SND1: variants seen among roughly 807,000 people sequenced by gnomAD.
The protein encoded by SND1 is staphylococcal nuclease and tudor domain containing 1, also known as staphylococcal nuclease domain-containing protein 1.
SND1 carries 38 observed loss-of-function variants against 121.7 expected under a neutral mutation model. The observed-to-expected ratio is 0.31, with a 90% CI of 0.24 to 0.41. The LOEUF (loss-of-function observed/expected upper bound fraction) is 0.41, where lower values mean the gene tolerates loss of function less well. SND1 is among the 10% of genes least tolerant of loss of function. The pLI is 1.00. For synonymous variants in SND1, 401 were observed against 447.4 expected, an observed-to-expected ratio of 0.90 and a Z score of 1.31; for missense variants, 868 against 1,184.6, an observed-to-expected ratio of 0.73 and a Z score of 3.92.
chr7:128,071,398 CATAA>C (rs1457496820), intron 16 of SND1, among the ~76,000 whole-genome samples: 2 of 152,148 alleles, frequency 1.3e-5, no homozygotes, highest in Non-Finnish European at 2.9e-5. Flanking sequence ...ACAAAATTAC[CATAA>C]ATAACAAAAT....
chr7:127,880,276 T>C lies in SND1; in HGVS notation c.1344-7626T>C, dbSNP rs548168923. 9.8e-5 allele frequency among the ~76,000 whole-genome samples: 15 copies of C among 152,310 alleles called. No individual in the cohort carries two copies. In the South Asian group the frequency reaches 3.1e-3, roughly 32 times the overall value. ...GTTCTGTTTTATTAGTAGTTATTGT[T>C]GTTAATCTCTTACTGTGCTAAATTA... On this transcript the variant is annotated intron_variant, in intron 12 of 23. Transcript: ENST00000354725.
intron 12 of SND1, among the ~76,000 whole-genome samples, chr7:127,877,020 C>T (rs932017739): frequency 6.6e-6 from 1 of 152,072 alleles, no homozygotes; most frequent in African/African-American, 2.4e-5. Context: ...CATACTTCAG[C>T]CAACATTCAT....
rs748102471 is a variant in SND1, at chr7:127,652,407, G to GCGCAGAGC, written c.34_35insCGCAGAGC (p.Gly12AlafsTer82). On this transcript the variant is annotated frameshift_variant, in exon 1 of 24. Coordinates refer to ENST00000354725, the MANE Select transcript of SND1 (RefSeq NM_014390.4). LOFTEE classifies it high-confidence loss of function. The stretch of plus-strand genomic sequence containing the variant: ...CTCCGCGCAGAGCGGCGGCTCCTCC[G>GCGCAGAGC]GGGGACCCGCGGTCCCCACCGTGCA... 11 of 1,595,852 alleles carry GCGCAGAGC rather than the reference G, an allele frequency of 6.9e-6. No individual in the cohort carries two copies. The highest frequency in any genetic ancestry group is 4.5e-5 in the South Asian group (4 of 88,178).
At chr7:127,904,149 G>A (rs1426096058) in intron 13 of SND1, among the ~76,000 whole-genome samples, 2 of 152,210 alleles carry the variant, frequency 1.3e-5, no homozygotes, top group Non-Finnish European at 2.9e-5. Context: ...GGTTGGCAGA[G>A]TCCCAGAGTT....
chr7:128,016,145 CTTTT>C (rs71312836), intron 16 of SND1, among the ~76,000 whole-genome samples: 5 of 144,242 alleles, frequency 3.5e-5, no homozygotes, highest in African/African-American at 5.1e-5. Flanking sequence ...GAACAACTTC[CTTTT>C]TTTTTTTTTT....
At position 127,841,239 on chromosome 7, in the gene SND1, G is replaced by A. The variant is rs1363998410; in HGVS notation, c.1243-3085G>A. On this transcript the variant is annotated intron_variant, in intron 11 of 23. Transcript: ENST00000354725. ...CTGAGAAGGAGATTTGGCATTGGGA[G>A]GCACAAGGTAACCTTGAGATTAACT... is the stretch of plus-strand genomic sequence containing the variant. Among the ~76,000 whole-genome samples, 9 of 152,124 alleles carry A rather than the reference G, an allele frequency of 5.9e-5. No homozygotes were observed. The East Asian group carries it at 1.5e-3, about 26-fold the overall frequency.
At chr7:127,828,289 G>A (rs1178590685) in intron 11 of SND1, among the ~76,000 whole-genome samples, 2 of 151,958 alleles carry the variant, frequency 1.3e-5, no homozygotes, top group Admixed American at 6.6e-5. Context: ...GAGCCACTGC[G>A]CCCAGCCGCA....
chr7:127,999,222 T>C (rs1295228516), intron 16 of SND1: 2 of 152,098 alleles, frequency 1.3e-5, no homozygotes, highest in Non-Finnish European at 2.9e-5. Flanking sequence ...TTGGAACATG[T>C]AGGAAGGCCT....
At chr7:128,025,118 C>T (rs1255775511) in intron 16 of SND1, among the ~76,000 whole-genome samples, 1 of 152,214 alleles carries the variant, frequency 6.6e-6, no homozygotes, top group African/African-American at 2.4e-5. Flanking sequence ...GATAGTCTAA[C>T]CCCTTAGCAC....
intron 15 of SND1, among the ~76,000 whole-genome samples, chr7:127,955,063 G>A (rs569137432): frequency 6.6e-6 from 1 of 152,342 alleles, no homozygotes; most frequent in East Asian, 1.9e-4. Context: ...CTCAAGAGCA[G>A]TATCTGGCAT....
rs149733271 is a variant in SND1, at chr7:127,775,415, AAC to A, written c.1153-32063_1153-32062del. On this transcript the variant is annotated intron_variant, in intron 10 of 23. Transcript: ENST00000354725. The stretch of plus-strand genomic sequence containing the variant: ...TTATAATAACAAATATAATAAAAAA[AAC>A]ACACAGAGTTTTTAAGCAAATATCA... 4.3e-3 allele frequency among the ~76,000 whole-genome samples: 649 copies of A among 152,142 alleles called. 6 individuals are homozygous for A. Among genetic ancestry groups the A allele is most frequent in the African/African-American group, 0.015 (618 of 41,496 alleles).
At chr7:127,860,891 C>T (rs1398766815) in intron 12 of SND1, among the ~76,000 whole-genome samples, 1 of 151,986 alleles carries the variant, frequency 6.6e-6, no homozygotes, top group African/African-American at 2.4e-5. Context: ...AGACTGAAGC[C>T]CAAAATTAAA....
chr7:128,016,266 C>T (rs530568825), intron 16 of SND1, among the ~76,000 whole-genome samples: 2 of 151,576 alleles, frequency 1.3e-5, no homozygotes, highest in Non-Finnish European at 2.9e-5. Context: ...TATAGATGTG[C>T]ACCACCCTGC....
intron 13 of SND1, among the ~76,000 whole-genome samples, chr7:127,895,316 T>C (rs1398399669): frequency 6.6e-6 from 1 of 152,080 alleles, no homozygotes; most frequent in Non-Finnish European, 1.5e-5. Flanking sequence ...CAGGGTACTG[T>C]TGGATTTTTA....
At chr7:127,773,324 C>T (rs941291673) in intron 10 of SND1, among the ~76,000 whole-genome samples, 10 of 152,086 alleles carry the variant, frequency 6.6e-5, no homozygotes, top group African/African-American at 1.4e-4. Context: ...TGGTGGCGCA[C>T]GCCTGTAGTC....
intron 15 of SND1, among the ~76,000 whole-genome samples, chr7:127,979,166 G>A (rs751903090): frequency 2.0e-5 from 3 of 152,204 alleles, no homozygotes; most frequent in East Asian, 1.9e-4. Context: ...GCAAATACAT[G>A]TGGCCATGTT....
At chr7:127,687,412 A>G (rs1354066591) in intron 2 of SND1, among the ~76,000 whole-genome samples, 1 of 152,172 alleles carries the variant, frequency 6.6e-6, no homozygotes, top group Non-Finnish European at 1.5e-5. Context: ...TGTATCCATC[A>G]CCAAAATATT....
chr7:127,939,906 A>G (rs1260518401), intron 15 of SND1, among the ~76,000 whole-genome samples: 8 of 152,090 alleles, frequency 5.3e-5, no homozygotes, highest in Non-Finnish European at 8.8e-5. Flanking sequence ...AAAGCGTTCT[A>G]TTGTGCTTTT....
intron 16 of SND1, among the ~76,000 whole-genome samples, chr7:128,002,136 T>C (rs1281015658): frequency 6.6e-6 from 1 of 152,188 alleles, no homozygotes; most frequent in Non-Finnish European, 1.5e-5. Flanking sequence ...ATGGCACATA[T>C]GCATATGCTA....
Sources: allele counts gnomAD v4.1 joint callset (sites outside exome capture counted in the v4.1 genomes callset), GRCh38; gene constraint gnomAD v4.1.1; transcripts MANE v1.5; gene names NCBI Gene and HGNC (gene_info 2026-07-23, HGNC 2026-07-21).